The following FRMPD4 variants were observed in gnomAD, a reference collection of about 807,000 sequenced individuals.
FRMPD4 encodes FERM and PDZ domain containing 4.
In FRMPD4, 22 loss-of-function variants were observed where a neutral mutation model predicts 94.1. The observed-to-expected ratio is 0.23, with a 90% CI of 0.17 to 0.33. The LOEUF is 0.33. Ranked by LOEUF, FRMPD4 falls within the 10% of genes least tolerant of loss-of-function variation. FRMPD4 has a pLI of 1.00. For missense variants in FRMPD4, 1,111 were observed against 1,339.9 expected, an observed-to-expected ratio of 0.83 and a Z score of 2.67; for synonymous variants, 631 against 548.6, an observed-to-expected ratio of 1.15 and a Z score of -2.10.
chrX:12,266,097 C>T (rs1173358752), intron 1 of FRMPD4, among the ~76,000 whole-genome samples: 1 of 84,029 alleles, frequency 1.2e-5, no homozygotes, highest in Non-Finnish European at 2.1e-5. Context: ...CAAGCCACTG[C>T]ACTCCAGCCT....
chrX:12,028,701 C>T (rs1452776932), intron 3 of FRMPD4, among the ~76,000 whole-genome samples: 1 of 111,252 alleles, frequency 9.0e-6, no homozygotes, highest in African/African-American at 3.3e-5. Flanking sequence ...ATAGTTTTGA[C>T]TTCCACAATG....
At chrX:12,047,536 A>C (rs1363501612) in intron 3 of FRMPD4, among the ~76,000 whole-genome samples, 2 of 111,895 alleles carry the variant, frequency 1.8e-5, no homozygotes, top group African/African-American at 6.5e-5. Context: ...CAGGGAGTAC[A>C]TGTGCAGGTT....
intron 1 of FRMPD4, among the ~76,000 whole-genome samples, chrX:12,355,870 T>A (rs1232542762): frequency 8.9e-6 from 1 of 111,967 alleles, no homozygotes; most frequent in Non-Finnish European, 1.9e-5. Flanking sequence ...TCAAGTTGAT[T>A]AATGCCCACA....
intron 1 of FRMPD4, among the ~76,000 whole-genome samples, chrX:12,153,290 C>T (rs2055887281): frequency 9.0e-6 from 1 of 111,368 alleles, no homozygotes; most frequent in South Asian, 3.8e-4. Flanking sequence ...AAGATCTTAC[C>T]CTCTGATGAT....
intron 1 of FRMPD4, among the ~76,000 whole-genome samples, chrX:12,374,275 G>A (rs1416006212): frequency 8.9e-6 from 1 of 112,234 alleles, no homozygotes; most frequent in Non-Finnish European, 1.9e-5. Flanking sequence ...TTATGTTACA[G>A]AATTTTAGAC....
At chrX:12,037,539 C>T (rs990503916) in intron 3 of FRMPD4, among the ~76,000 whole-genome samples, 1 of 111,381 alleles carries the variant, frequency 9.0e-6, no homozygotes, top group Non-Finnish European at 1.9e-5. Context: ...TAGCATAATG[C>T]TTTTGAGTTT....
chrX:12,044,672 G>A (rs1407404957), intron 3 of FRMPD4, among the ~76,000 whole-genome samples: 1 of 111,625 alleles, frequency 9.0e-6, no homozygotes, highest in Non-Finnish European at 1.9e-5. Flanking sequence ...AAACATTTCA[G>A]GTCCCAACTA....
intron 4 of FRMPD4, among the ~76,000 whole-genome samples, chrX:12,658,022 T>G (rs752412375): frequency 1.8e-5 from 2 of 111,696 alleles, no homozygotes; most frequent in Non-Finnish European, 3.8e-5. Context: ...TTCTTTCCAG[T>G]TGGACAAGCA....
chrX:12,436,503 G>A (rs1017184525), intron 1 of FRMPD4, among the ~76,000 whole-genome samples: 10 of 110,451 alleles, frequency 9.1e-5, no homozygotes, highest in Non-Finnish European at 1.9e-4. Flanking sequence ...GCTTCATTTG[G>A]CATTTTCCAG....
At chrX:12,208,537 T>G (rs2056719667) in intron 1 of FRMPD4, among the ~76,000 whole-genome samples, 1 of 111,593 alleles carries the variant, frequency 9.0e-6, no homozygotes, top group South Asian at 3.7e-4. Context: ...CCTATTCACT[T>G]TTGTATCCTT....
At chrX:12,370,321 C>G (rs1055320171) in intron 1 of FRMPD4, among the ~76,000 whole-genome samples, 1 of 111,943 alleles carries the variant, frequency 8.9e-6, no homozygotes, top group African/African-American at 3.3e-5. Flanking sequence ...AATAAATAAA[C>G]AAGAAACAAA....
intron 1 of FRMPD4, among the ~76,000 whole-genome samples, chrX:12,229,626 C>A (rs188553660): frequency 8.9e-6 from 1 of 111,785 alleles, no homozygotes; most frequent in Non-Finnish European, 1.9e-5. Context: ...TTCCATTACT[C>A]TTTTCCTTGG....
intron 1 of FRMPD4, among the ~76,000 whole-genome samples, chrX:11,850,168 A>G (rs912610174): frequency 4.4e-5 from 5 of 112,616 alleles, no homozygotes; most frequent in African/African-American, 1.6e-4. Flanking sequence ...CAACCAGCAT[A>G]TGAAAAGTTG....
intron 3 of FRMPD4, among the ~76,000 whole-genome samples, chrX:11,957,527 A>C (rs1484686463): frequency 9.1e-6 from 1 of 110,144 alleles, no homozygotes; most frequent in Admixed American, 9.8e-5. Context: ...CCCTGTCTCA[A>C]AATAAAATAA....
intron 3 of FRMPD4, among the ~76,000 whole-genome samples, chrX:12,071,565 A>C (rs1002418318): frequency 1.8e-5 from 2 of 112,073 alleles, no homozygotes; most frequent in Admixed American, 1.9e-4. Flanking sequence ...GAGCTTACTC[A>C]GAGTTGCAAG....
At chrX:11,857,779 G>C (rs2053662094) in intron 1 of FRMPD4, among the ~76,000 whole-genome samples, 2 of 112,446 alleles carry the variant, frequency 1.8e-5, no homozygotes, top group Admixed American at 9.4e-5. Flanking sequence ...ACAACCTATA[G>C]AATAGGAGAA....
intron 1 of FRMPD4, among the ~76,000 whole-genome samples, chrX:12,172,160 C>T (rs1376222548): frequency 2.7e-5 from 3 of 110,501 alleles, no homozygotes; most frequent in African/African-American, 9.9e-5. Flanking sequence ...CTTGTCCAAC[C>T]TGCCTTATTT....
chrX:12,394,388 C>T (rs1282264900), intron 1 of FRMPD4, among the ~76,000 whole-genome samples: 2 of 111,658 alleles, frequency 1.8e-5, no homozygotes, highest in Non-Finnish European at 3.8e-5. Context: ...TGGCCTTCAC[C>T]CTGTAATCTT....
intron 3 of FRMPD4, among the ~76,000 whole-genome samples, chrX:12,008,101 A>C (rs1282078144): frequency 1.8e-5 from 2 of 112,262 alleles, no homozygotes; most frequent in African/African-American, 6.5e-5. Flanking sequence ...CCAATGCTAA[A>C]TCATTACTGT....
Sources: gnomAD v4.1 joint callset for allele counts (sites outside exome capture counted in the v4.1 genomes callset) on GRCh38, gnomAD v4.1.1 for gene constraint, MANE v1.5 for transcripts, NCBI Gene and HGNC (gene_info 2026-07-23, HGNC 2026-07-21) for gene names.